Variants in OCA2 observed in about 807,000 individuals in gnomAD.
OCA2 encodes P protein.
OCA2 carries 77 observed loss-of-function variants against 100.2 expected under a neutral mutation model. That is an observed-to-expected ratio of 0.77 (90% confidence interval 0.64 to 0.93). The LOEUF is 0.93. Ranked by LOEUF, OCA2 falls within the 40% of genes least tolerant of loss-of-function variation. The probability of loss-of-function intolerance (pLI) is 0.00; values close to 1 mark genes in which losing one functional copy is unlikely to be tolerated. For synonymous variants in OCA2, 432 were observed against 439.2 expected (o/e 0.98, Z 0.21); for missense variants, 1,062 against 1,089.1 (o/e 0.98, Z 0.35).
At chr15:27,721,396 C>T in the OCA2 span, among the ~76,000 whole-genome samples, 13 of 152,200 alleles carry the variant, frequency 8.5e-5, no homozygotes, top group East Asian at 2.5e-3. Context: ...GTAATTTGCA[C>T]TTTTAATACA....
chr15:28,048,325 A>G (rs573991093), intron 2 of OCA2, among the ~76,000 whole-genome samples: 35 of 152,352 alleles, frequency 2.3e-4, no homozygotes, highest in African/African-American at 8.2e-4. Context: ...TCCAGTACTC[A>G]CATTTTCAAA....
intron 23 of OCA2, among the ~76,000 whole-genome samples, chr15:27,785,589 AAAG>A (rs2151104700): frequency 6.6e-6 from 1 of 152,342 alleles, no homozygotes; most frequent in South Asian, 2.1e-4. Flanking sequence ...AAAGAAAAGA[AAAG>A]AAGTATTGAA....
intron 13 of OCA2, 148 bp from the exon 14 acceptor site, chr15:27,983,631 A>T: frequency 1.2e-6 from 1 of 844,532 alleles, no homozygotes; most frequent in South Asian, 1.4e-5. Context: ...GCTGGGGGGA[A>T]TGAACAACTG....
chr15:28,024,165 T>A (rs557249933), intron 5 of OCA2, among the ~76,000 whole-genome samples: 1 of 152,284 alleles, frequency 6.6e-6, no homozygotes, highest in African/African-American at 2.4e-5. Context: ...CTCCTGTGCC[T>A]TTCCCTTGAT....
chr15:27,989,707 G>A (rs369590942), intron 10 of OCA2, 41 bp from the exon 11 acceptor site: 18 of 1,576,810 alleles, frequency 1.1e-5, no homozygotes, highest in East Asian at 6.7e-5. Context: ...TCCGTGCGCC[G>A]CCATCCCAGT....
intron 19 of OCA2, among the ~76,000 whole-genome samples, chr15:27,890,224 C>T (rs1304931590): frequency 6.6e-6 from 1 of 152,072 alleles, no homozygotes; most frequent in Non-Finnish European, 1.5e-5. Context: ...TTTTTAAAAT[C>T]TAATATTCAT....
chr15:27,931,560 T>C (rs1420475269), intron 18 of OCA2, among the ~76,000 whole-genome samples: 1 of 152,114 alleles, frequency 6.6e-6, no homozygotes, highest in Non-Finnish European at 1.5e-5. Context: ...GGTCTCAAAC[T>C]CCTGACCTCA....
At chr15:27,905,885 C>T (rs951991862) in intron 19 of OCA2, among the ~76,000 whole-genome samples, 2 of 152,178 alleles carry the variant, frequency 1.3e-5, no homozygotes, top group Non-Finnish European at 2.9e-5. Context: ...AAACTACAAG[C>T]CCACACTTCA....
intron 23 of OCA2, among the ~76,000 whole-genome samples, chr15:27,805,255 C>T (rs1175308430): frequency 6.6e-6 from 1 of 152,242 alleles, no homozygotes; most frequent in Non-Finnish European, 1.5e-5. Flanking sequence ...AATGCAGAGC[C>T]GCCGTCTTTA....
At chr15:28,054,569 C>T (rs2043628527) in intron 2 of OCA2, among the ~76,000 whole-genome samples, 1 of 152,180 alleles carries the variant, frequency 6.6e-6, no homozygotes, top group Non-Finnish European at 1.5e-5. Flanking sequence ...TTCATGAAGA[C>T]AGTTCTATGT....
Position 28,027,905 on chromosome 15 carries a change from T to C in OCA2, c.481A>G (p.Ser161Gly), listed in dbSNP as rs758157709. ...GAAAGACGGAGTCGGATGTGCGGGC[T>C]GTCCAGAAGGTCTCCCTTCTCGGAG... ...ASSEKGDLLD[S>G]PHIRLRLSKL... is the part of the protein sequence containing the mutation. Residue 161 changes from serine (S) to glycine (G), a missense_variant, in exon 4 of 24, where the codon AGC (serine) becomes GGC (glycine). Coordinates refer to ENST00000354638, the MANE Select transcript of OCA2 (RefSeq NM_000275.3). 12 of 1,613,574 alleles carry C rather than the reference T, an allele frequency of 7.4e-6. No individual in the cohort carries two copies. The highest frequency in any genetic ancestry group is 1.0e-5 in the Non-Finnish European group (12 of 1,180,008).
At chr15:28,024,462 G>C (rs980514070) in intron 5 of OCA2, among the ~76,000 whole-genome samples, 5 of 152,218 alleles carry the variant, frequency 3.3e-5, no homozygotes, top group Non-Finnish European at 7.3e-5. Flanking sequence ...GGGGTGCTGA[G>C]ACACTCTGGG....
chr15:27,750,497 G>A (rs564517034), downstream of OCA2, among the ~76,000 whole-genome samples: 41 of 152,274 alleles, frequency 2.7e-4, no homozygotes, highest in African/African-American at 8.7e-4. Context: ...GAGTCCAAAG[G>A]CTCAGATTTT....
intron 21 of OCA2, among the ~76,000 whole-genome samples, chr15:27,865,088 C>G (rs138318425): frequency 6.6e-6 from 1 of 152,042 alleles, no homozygotes; most frequent in African/African-American, 2.4e-5. Context: ...CAGGCCATAG[C>G]TGACAACGCA....
Position 28,081,666 on chromosome 15 carries a change from G to A in OCA2, c.209C>T (p.Ser70Leu). The change falls in exon 2 of 24, where the codon TCA becomes TTA. Residue 70 changes from serine (S) to leucine (L), a missense_variant. Coordinates refer to ENST00000354638, the MANE Select transcript of OCA2 (RefSeq NM_000275.3). ...SWAPAGQEFA[S>L]FLTKGRSHSS... ...AACTCACCTCCCTTTTGTGAGGAAT[G>A]AAGCAAACTCCTGGCCTGCAGGAGC... The A allele has an allele frequency of 6.2e-7, 1 of 1,613,818 alleles. No individual in the cohort carries two copies. The highest frequency in any genetic ancestry group is 8.5e-7 in the Non-Finnish European group (1 of 1,180,012).
At chr15:27,904,921 T>C (rs2038111899) in intron 19 of OCA2, among the ~76,000 whole-genome samples, 1 of 152,166 alleles carries the variant, frequency 6.6e-6, no homozygotes, top group Non-Finnish European at 1.5e-5. Flanking sequence ...CCCAGCACTT[T>C]GGGAGGCCAA....
intron 19 of OCA2, among the ~76,000 whole-genome samples, chr15:27,887,848 CAAGT>C (rs2037294090): frequency 6.6e-6 from 1 of 151,436 alleles, no homozygotes; most frequent in Non-Finnish European, 1.5e-5. Flanking sequence ...GTCCCCCTGT[CAAGT>C]AAGATTAATA....
At chr15:27,994,331 C>G (rs1021309022) in intron 9 of OCA2, among the ~76,000 whole-genome samples, 1 of 152,132 alleles carries the variant, frequency 6.6e-6, no homozygotes, top group African/African-American at 2.4e-5. Context: ...AATGATGTCC[C>G]ACCCCACGGT....
At chr15:27,988,605 A>G (rs924208392) in intron 11 of OCA2, among the ~76,000 whole-genome samples, 2 of 152,160 alleles carry the variant, frequency 1.3e-5, no homozygotes, top group African/African-American at 4.8e-5. Context: ...CAGCCTCCAG[A>G]GCTGTGAGAA....
Sources: allele counts gnomAD v4.1 joint callset (sites outside exome capture counted in the v4.1 genomes callset), GRCh38; gene constraint gnomAD v4.1.1; transcripts MANE v1.5; gene names NCBI Gene and HGNC (gene_info 2026-07-23, HGNC 2026-07-21).